Variants in ROBO1 observed in about 807,000 individuals in gnomAD.
The protein encoded by ROBO1 is roundabout guidance receptor 1.
A neutral mutation model predicts 195.9 loss-of-function variants in ROBO1; 149 were observed. That is an observed-to-expected ratio of 0.76 (90% confidence interval 0.67 to 0.87). The LOEUF (loss-of-function observed/expected upper bound fraction) is 0.87. Ranked by LOEUF, ROBO1 falls within the 40% of genes least tolerant of loss-of-function variation. ROBO1 has a pLI of 0.00. For missense variants in ROBO1, 1,933 were observed against 2,068.3 expected (o/e 0.93, Z 1.27); for synonymous variants, 816 against 733.2 (o/e 1.11, Z -1.82).
At chr3:78,826,109 A>G (rs1019211771) in intron 4 of ROBO1, among the ~76,000 whole-genome samples, 4 of 152,280 alleles carry the variant, frequency 2.6e-5, no homozygotes, top group Non-Finnish European at 4.4e-5. Context: ...TTCATTAAGG[A>G]AGTTGTTTGA....
At chr3:79,474,037 A>T (rs1262819073) in intron 2 of ROBO1, among the ~76,000 whole-genome samples, 1 of 152,152 alleles carries the variant, frequency 6.6e-6, no homozygotes, top group African/African-American at 2.4e-5. Context: ...TAATATGAAC[A>T]GACATATTAA....
chr3:79,478,509 T>A (rs768275157), intron 2 of ROBO1, among the ~76,000 whole-genome samples: 1 of 152,138 alleles, frequency 6.6e-6, no homozygotes, highest in Non-Finnish European at 1.5e-5. Context: ...CCATTATTTA[T>A]ATGTCGATTG....
intron 1 of ROBO1, among the ~76,000 whole-genome samples, chr3:79,642,387 A>T (rs1945692096): frequency 6.6e-6 from 1 of 152,194 alleles, no homozygotes; most frequent in African/African-American, 2.4e-5. Flanking sequence ...AAACTTTCCA[A>T]AACTTGAGAA....
At chr3:78,715,859 G>T (rs1342233158) in intron 7 of ROBO1, among the ~76,000 whole-genome samples, 4 of 152,050 alleles carry the variant, frequency 2.6e-5, no homozygotes, top group Non-Finnish European at 5.9e-5. Flanking sequence ...TTTCTAAAGG[G>T]TACACCTATC....
intron 2 of ROBO1, among the ~76,000 whole-genome samples, chr3:79,348,135 C>T (rs1047260209): frequency 1.3e-5 from 2 of 149,464 alleles, no homozygotes; most frequent in Non-Finnish European, 3.0e-5. Flanking sequence ...TGCTTGAACC[C>T]AGGAGGCAGA....
At chr3:79,316,062 C>T (rs1408211105) in intron 2 of ROBO1, among the ~76,000 whole-genome samples, 1 of 152,128 alleles carries the variant, frequency 6.6e-6, no homozygotes, top group Non-Finnish European at 1.5e-5. Flanking sequence ...TTTGACCCCA[C>T]AGTGATTCAG....
intron 3 of ROBO1, among the ~76,000 whole-genome samples, chr3:79,104,676 A>G (rs1447674480): frequency 6.6e-6 from 1 of 151,750 alleles, no homozygotes; most frequent in African/African-American, 2.4e-5. Flanking sequence ...CATCCTGAGC[A>G]TAAAGAGGTT....
At chr3:79,428,197 A>C (rs1052370776) in intron 2 of ROBO1, among the ~76,000 whole-genome samples, 1 of 152,116 alleles carries the variant, frequency 6.6e-6, no homozygotes, top group African/African-American at 2.4e-5. Context: ...GGTATATAAA[A>C]AGGTGTCCAA....
intron 2 of ROBO1, among the ~76,000 whole-genome samples, chr3:79,420,939 G>A (rs1303060507): frequency 6.6e-6 from 1 of 151,964 alleles, no homozygotes; most frequent in Non-Finnish European, 1.5e-5. Context: ...ATTAATCACA[G>A]CACTATTCAC....
At chr3:78,841,759 G>A (rs331133) in intron 4 of ROBO1, among the ~76,000 whole-genome samples, 143,034 of 152,210 alleles carry the variant, frequency 0.94, 67,479 homozygotes, top group East Asian at 0.99. Flanking sequence ...CCTAATATAT[G>A]AAGAACTCAT....
chr3:78,717,443 A>C, intron 6 of ROBO1, 30 bp from the exon 7 acceptor site: 1 of 1,602,136 alleles, frequency 6.2e-7, no homozygotes, highest in Non-Finnish European at 8.5e-7. Flanking sequence ...TCTTAAGGTA[A>C]AATTTTAAAA....
intron 2 of ROBO1, among the ~76,000 whole-genome samples, chr3:79,585,044 A>C (rs1576071176): frequency 6.6e-6 from 1 of 151,808 alleles, no homozygotes; most frequent in East Asian, 1.9e-4. Context: ...TTTTTGTTAC[A>C]TTTTATTTGT....
intron 2 of ROBO1, among the ~76,000 whole-genome samples, chr3:79,299,666 G>A (rs1217747947): frequency 1.3e-5 from 2 of 152,160 alleles, no homozygotes; most frequent in East Asian, 3.9e-4. Flanking sequence ...TTTTAATTGA[G>A]ATAATTTATG....
At chr3:79,511,302 A>G (rs549389370) in intron 2 of ROBO1, among the ~76,000 whole-genome samples, 1 of 152,330 alleles carries the variant, frequency 6.6e-6, no homozygotes, top group South Asian at 2.1e-4. Context: ...AATTGAAAAT[A>G]AGTTTAAATA....
intron 2 of ROBO1, among the ~76,000 whole-genome samples, chr3:79,487,342 T>C (rs1939215996): frequency 1.1e-5 from 1 of 91,018 alleles, no homozygotes; most frequent in Non-Finnish European, 2.1e-5. Flanking sequence ...TTATAGATAA[T>C]GACCACAGTA....
intron 2 of ROBO1, among the ~76,000 whole-genome samples, chr3:79,484,061 C>T (rs1372731985): frequency 6.6e-6 from 1 of 152,136 alleles, no homozygotes; most frequent in East Asian, 1.9e-4. Context: ...CACTTGTTAG[C>T]CAAGGTCACT....
At chr3:79,019,279 G>A (rs1559597981) in intron 3 of ROBO1, 2 of 985,868 alleles carry the variant, frequency 2.0e-6, no homozygotes, top group Non-Finnish European at 2.4e-6. Context: ...GCAGCTGCCT[G>A]CACCCCTGGC....
Position 78,746,901 on chromosome 3 carries a change from C to T in ROBO1, c.500-1G>A. On this transcript the variant is annotated splice_acceptor_variant, in intron 4 of 30. Coordinates refer to ENST00000464233, the MANE Select transcript of ROBO1 (RefSeq NM_002941.4). LOFTEE classifies it high-confidence loss of function. ...TTTTGTCTGAAGTCATCCCGAAGTA[C>T]TGTAGGAACAAGATTAAATCATTAT... is the stretch of plus-strand genomic sequence containing the variant. The T allele has an allele frequency of 6.5e-7, 1 of 1,549,666 alleles. No homozygotes were observed. The highest frequency in any genetic ancestry group is 8.8e-7 in the Non-Finnish European group (1 of 1,140,210).
chr3:78,602,575 CCTTT>C (rs939210982), intron 29 of ROBO1, among the ~76,000 whole-genome samples: 3 of 152,110 alleles, frequency 2.0e-5, no homozygotes, highest in African/African-American at 7.2e-5. Flanking sequence ...AGATTATAAC[CCTTT>C]CTAAAATATA....
Sources: gnomAD v4.1 joint callset for allele counts (sites outside exome capture counted in the v4.1 genomes callset) on GRCh38, gnomAD v4.1.1 for gene constraint, MANE v1.5 for transcripts, NCBI Gene and HGNC (gene_info 2026-07-23, HGNC 2026-07-21) for gene names.